The following RRP1 variants were observed in gnomAD, a reference collection of about 807,000 sequenced individuals.
The protein encoded by RRP1 is ribosomal RNA processing protein 1 homolog A.
RRP1 carries 37 observed loss-of-function variants against 54.6 expected under a neutral mutation model. That is an observed-to-expected ratio of 0.68 (90% CI 0.52 to 0.89). The LOEUF (loss-of-function observed/expected upper bound fraction) is 0.89. RRP1 is among the 40% of genes least tolerant of loss of function. The pLI is 0.00. For missense variants in RRP1, 639 were observed against 612.5 expected (o/e 1.04, Z -0.46); for synonymous variants, 262 against 244.3 (o/e 1.07, Z -0.67).
In RRP1 at chr21:43,789,584, TG is replaced by T. The variant is rs1471184196; in HGVS notation, c.-43del. On this transcript the variant is annotated 5_prime_UTR_variant, in exon 1 of 13. Coordinates refer to ENST00000497547, the MANE Select transcript of RRP1 (RefSeq NM_003683.6). ...CGCAGGAGGCGCGTGCTCAGTGTGC[TG>T]GGTACCAGGCGACTCCGGGACAGGG... 6.4e-7 allele frequency: 1 copy of T among 1,561,972 alleles called. No homozygotes were observed. The highest frequency in any genetic ancestry group is 8.6e-7 in the Non-Finnish European group (1 of 1,157,068).
chr21:43,789,819 T>G, intron 1 of RRP1, 57 bp downstream of exon 1: 1 of 1,431,806 alleles, frequency 7.0e-7, no homozygotes, highest in Non-Finnish European at 9.1e-7. Context: ...GGTGCGGGTG[T>G]GGGCGGCGGC....
At chr21:43,792,752 G>A in intron 3 of RRP1, 23 bp downstream of exon 3, 2 of 1,613,214 alleles carry the variant, frequency 1.2e-6, no homozygotes, top group Non-Finnish European at 1.7e-6. Context: ...TGCTGTAGTT[G>A]GGTGCATTTG....
Position 43,805,276 on chromosome 21 carries a change from C to CA in RRP1, c.*1519dup, listed in dbSNP as rs59150143. The CA allele has an allele frequency of 0.24, 28,219 of 119,320 alleles. 3,114 individuals are homozygous for CA. Among genetic ancestry groups the CA allele is most frequent in the East Asian group, 0.48 (2,080 of 4,366 alleles). The allele number at this position is 119,320 out of a possible 1,614,324, so 7.4% of individuals were successfully genotyped here. On this transcript the variant is annotated 3_prime_UTR_variant, in exon 13 of 13. Coordinates refer to ENST00000497547, the MANE Select transcript of RRP1 (RefSeq NM_003683.6). ...GGGCAACGAGAGGGAAACTCTGTTT[C>CA]AAAAAAAAAAAAAAAAAGACAAGCG...
intron 10 of RRP1, 100 bp downstream of exon 10, chr21:43,800,714 C>T (rs1408600697): frequency 2.7e-6 from 4 of 1,503,594 alleles, no homozygotes; most frequent in Non-Finnish European, 1.8e-6. Flanking sequence ...CCTTCCGCAG[C>T]CCCCGGGGTG....
In RRP1 at chr21:43,789,580, G is replaced by T. The variant is rs765887994; in HGVS notation, c.-50G>T. 2 of 1,556,624 alleles carry T rather than the reference G, an allele frequency of 1.3e-6. No individual in the cohort carries two copies. The highest frequency in any genetic ancestry group is 1.7e-6 in the Non-Finnish European group (2 of 1,154,680). ...CGGGCGCAGGAGGCGCGTGCTCAGTGTGCTGGGTACCAGGCGACTCCGGGA... is the reference window on the plus strand; with the variant it reads ...CGGGCGCAGGAGGCGCGTGCTCAGTTTGCTGGGTACCAGGCGACTCCGGGA... On this transcript the variant is annotated 5_prime_UTR_variant, in exon 1 of 13. Coordinates refer to ENST00000497547, the MANE Select transcript of RRP1 (RefSeq NM_003683.6).
At chr21:43,800,389 G>A (rs773014458) in intron 9 of RRP1, 128 bp from the exon 10 acceptor site, 81 of 774,792 alleles carry the variant, frequency 1.0e-4, no homozygotes, top group Middle Eastern at 5.6e-4. Context: ...GGTGGGCTGT[G>A]TTCCTGTGAG....
chr21:43,795,279 G>A (rs200298396), intron 5 of RRP1, 29 bp downstream of exon 5: 134 of 1,610,636 alleles, frequency 8.3e-5, no homozygotes, highest in Non-Finnish European at 1.1e-4. Flanking sequence ...TGCTCTGGGG[G>A]GACGCTGTTC....
chr21:43,800,457 T>A, intron 9 of RRP1, 60 bp from the exon 10 acceptor site: 1 of 1,541,856 alleles, frequency 6.5e-7, no homozygotes, highest in South Asian at 1.1e-5. Flanking sequence ...GGGTTCCACG[T>A]TCTCGGAGCA....
At position 43,800,515 on chromosome 21, in the gene RRP1, A is replaced by G. The variant is rs373107218; in HGVS notation, c.892-2A>G. The G allele has an allele frequency of 5.0e-6, 8 of 1,614,018 alleles. No homozygotes were observed. The highest frequency in any genetic ancestry group is 6.8e-6 in the Non-Finnish European group (8 of 1,179,950). ...CTCTGTGACGTCTCTCTTTTGAAAC[A>G]GTTTGACTACGAGGCAGTTGCTAAC... is the stretch of plus-strand genomic sequence containing the variant. On this transcript the variant is annotated splice_acceptor_variant, in intron 9 of 12. Coordinates refer to ENST00000497547, the MANE Select transcript of RRP1 (RefSeq NM_003683.6). LOFTEE classifies it high-confidence loss of function.
At chr21:43,795,072 G>T (rs2838370) in intron 4 of RRP1, 117 bp from the exon 5 acceptor site, 210,149 of 969,714 alleles carry the variant, frequency 0.22, 25,445 homozygotes, top group East Asian at 0.46. Flanking sequence ...TGCTGGGGCC[G>T]GCAGAGGTCA....
At position 43,793,199 on chromosome 21, in the gene RRP1, G is replaced by C; in HGVS notation, c.275-120G>C. ...AGATCCAGTTCTGGGGGTAGGGCCT[G>C]GGCATCAGCATTTTTTATCTATAGC... On this transcript the variant is annotated intron_variant, in intron 3 of 12. Coordinates refer to ENST00000497547, the MANE Select transcript of RRP1 (RefSeq NM_003683.6). 18 of 835,942 alleles carry C rather than the reference G, an allele frequency of 2.2e-5. 1 individual carries two copies. In the South Asian group the frequency reaches 2.8e-4, roughly 13 times the overall value. 51.8% of individuals were successfully genotyped at this position (835,942 alleles called of 1,614,324 possible). A position where few individuals can be genotyped will look rare whatever the true frequency, so the allele number is the denominator to read the frequency against.
intron 3 of RRP1, 93 bp from the exon 4 acceptor site, chr21:43,793,226 A>G (rs998422477): frequency 2.1e-5 from 23 of 1,073,030 alleles, no homozygotes; most frequent in South Asian, 4.0e-5. Context: ...ATCTATAGCT[A>G]TGTAAAGAAC....
At chr21:43,795,141 G>T (rs774020991) in intron 4 of RRP1, 48 bp from the exon 5 acceptor site, 2 of 1,573,898 alleles carry the variant, frequency 1.3e-6, no homozygotes, top group Admixed American at 3.3e-5. Flanking sequence ...GTGGTCTGGC[G>T]AAGTAGGGCT....
intron 5 of RRP1, 25 bp downstream of exon 5, chr21:43,795,275 G>A (rs553794582): frequency 6.2e-7 from 1 of 1,611,804 alleles, no homozygotes; most frequent in East Asian, 2.2e-5. Context: ...GGCCTGCTCT[G>A]GGGGGACGCT....
intron 12 of RRP1, 113 bp from the exon 13 acceptor site, chr21:43,803,399 G>T: frequency 7.2e-7 from 1 of 1,380,732 alleles, no homozygotes; most frequent in South Asian, 1.5e-5. Context: ...TGGCTGTTGT[G>T]GCCGTGTTGT....
At chr21:43,799,506 C>T (rs1466467694) in intron 8 of RRP1, 64 bp from the exon 9 acceptor site, 1 of 1,539,236 alleles carries the variant, frequency 6.5e-7, no homozygotes, top group African/African-American at 1.4e-5. Flanking sequence ...CTCTCCATTC[C>T]TGGATGTTTG....
chr21:43,789,606 C>CA lies in RRP1; in HGVS notation c.-23dup. On this transcript the variant is annotated 5_prime_UTR_variant, in exon 1 of 13. Transcript: ENST00000497547. ...TGCTGGGTACCAGGCGACTCCGGGACAGGGGGTCTCGGCCGTCGGCGTCAT... is the reference window on the plus strand; with the variant it reads ...TGCTGGGTACCAGGCGACTCCGGGACAAGGGGGTCTCGGCCGTCGGCGTCAT... 1 of 1,583,748 alleles carries CA rather than the reference C, an allele frequency of 6.3e-7. No individual in the cohort carries two copies.
chr21:43,789,623 CGGCGTCAT>C lies in RRP1; in HGVS notation c.-4_4del, dbSNP rs1569011515. ...CTCCGGGACAGGGGGTCTCGGCCGT[CGGCGTCAT>C]GGTTTCGCGCGTGCAGCTCCCGCCT... On this transcript the variant is annotated start_lost and 5_prime_UTR_variant, in exon 1 of 13. Transcript: ENST00000497547. 1 of 1,586,798 alleles carries C rather than the reference CGGCGTCAT, an allele frequency of 6.3e-7. No individual in the cohort carries two copies. The highest frequency in any genetic ancestry group is 8.6e-7 in the Non-Finnish European group (1 of 1,168,262).
Position 43,804,458 on chromosome 21 carries a change from C to G in RRP1, c.*684C>G, listed in dbSNP as rs1233665910. On this transcript the variant is annotated 3_prime_UTR_variant, in exon 13 of 13. Coordinates refer to ENST00000497547, the MANE Select transcript of RRP1 (RefSeq NM_003683.6). The surrounding 1 kb of genome is among the most constrained non-coding windows in gnomAD (Gnocchi z 4.3). ...AGGCTGCGCACCTCTTTCCCTCAGC[C>G]AGGTCACCCTCAGCGTCCTCCCTGC... is the stretch of plus-strand genomic sequence containing the variant. The G allele has an allele frequency of 6.6e-6, 1 of 152,388 alleles. No homozygotes were observed. Among genetic ancestry groups the G allele is most frequent in the Non-Finnish European group, 1.5e-5 (1 of 68,116 alleles). The allele number at this position is 152,388 out of a possible 1,614,324, so 9.4% of individuals were successfully genotyped here.
Sources: gnomAD v4.1 joint callset for allele counts on GRCh38, gnomAD v4.1.1 for gene constraint, Gnocchi (gnomAD v3.1) non-coding constraint, MANE v1.5 for transcripts, NCBI Gene and HGNC (gene_info 2026-07-23, HGNC 2026-07-21) for gene names.